SINHCAF: variants seen among roughly 807,000 people sequenced by gnomAD.
SINHCAF encodes SIN3-HDAC complex associated factor.
A neutral mutation model predicts 25.8 loss-of-function variants in SINHCAF; 3 were observed. That is an observed-to-expected ratio of 0.12 (90% CI 0.05 to 0.30). SINHCAF has a LOEUF of 0.30. Among genes scored for constraint, SINHCAF ranks in the 10% least tolerant of loss-of-function variants. The pLI is 1.00. For synonymous variants in SINHCAF, 70 were observed against 85.5 expected (o/e 0.82, Z 1.00); for missense variants, 121 against 262.3 (o/e 0.46, Z 3.72).
chr12:31,296,699 A>G (rs1938563555), intron 2 of SINHCAF, among the ~76,000 whole-genome samples: 1 of 152,088 alleles, frequency 6.6e-6, no homozygotes, highest in Admixed American at 6.5e-5. Context: ...ACAAAAAAAT[A>G]GAAAAATTAG....
At position 31,325,562 on chromosome 12, in the gene SINHCAF, C is replaced by G. The variant is rs1939936707; in HGVS notation, c.-21+462G>C. 1.1e-4 allele frequency: 21 copies of G among 197,098 alleles called. No homozygotes were observed. In the South Asian group the frequency reaches 1.3e-3, roughly 13 times the overall value. 12.2% of individuals were successfully genotyped at this position (197,098 alleles called of 1,614,324 possible). On this transcript the variant is annotated intron_variant, in intron 1 of 5. Coordinates refer to ENST00000337682, the MANE Select transcript of SINHCAF (RefSeq NM_001135812.2). The surrounding 1 kb of genome is among the most constrained non-coding windows in gnomAD (Gnocchi z 5.9). ...ACGAGGTTTCACAACGGCGCCCGAC[C>G]CTGCCCGCGCCTCGCGCCCACGCGG...
At chr12:31,305,872 G>C (rs902476604) in intron 1 of SINHCAF, among the ~76,000 whole-genome samples, 1 of 151,970 alleles carries the variant, frequency 6.6e-6, no homozygotes, top group African/African-American at 2.4e-5. Context: ...GCTAATTTTT[G>C]TATTGTTAGT....
intron 1 of SINHCAF, among the ~76,000 whole-genome samples, chr12:31,323,021 C>T (rs904354963): frequency 6.6e-6 from 1 of 152,138 alleles, no homozygotes; most frequent in Non-Finnish European, 1.5e-5. Flanking sequence ...TGGGAAGAAG[C>T]TAGCCGTTAC....
intron 1 of SINHCAF, among the ~76,000 whole-genome samples, chr12:31,315,241 T>C (rs1359278304): frequency 2.6e-5 from 4 of 152,176 alleles, no homozygotes; most frequent in African/African-American, 4.8e-5. Flanking sequence ...AGTAAATATG[T>C]GGTTGAGTGG....
intron 2 of SINHCAF, 126 bp downstream of exon 2, chr12:31,297,951 C>G: frequency 1.0e-6 from 1 of 982,734 alleles, no homozygotes; most frequent in South Asian, 1.6e-5. Context: ...GAGACTTACA[C>G]AGCCTAAATT....
intron 1 of SINHCAF, among the ~76,000 whole-genome samples, chr12:31,298,979 G>T (rs1161789019): frequency 6.6e-6 from 1 of 151,798 alleles, no homozygotes; most frequent in Non-Finnish European, 1.5e-5. Context: ...CCTGAGAGTA[G>T]TAACAGTGGG....
rs2137153879 is a variant in SINHCAF, at chr12:31,325,880, A to C, written c.-21+144T>G. The stretch of plus-strand genomic sequence containing the variant: ...AGATCACGAAAACAGCGCTCCCAAC[A>C]ATGCCACCTCCAAGACAAAACTTCC... On this transcript the variant is annotated intron_variant, in intron 1 of 5. Coordinates refer to ENST00000337682, the MANE Select transcript of SINHCAF (RefSeq NM_001135812.2). The surrounding 1 kb of genome is among the most constrained non-coding windows in gnomAD (Gnocchi z 5.9). 1 of 152,232 alleles carries C rather than the reference A, an allele frequency of 6.6e-6. No homozygotes were observed. Among genetic ancestry groups the C allele is most frequent in the South Asian group, 2.1e-4 (1 of 4,852 alleles). The allele number at this position is 152,232 out of a possible 1,614,324, so 9.4% of individuals were successfully genotyped here.
chr12:31,287,571 T>A (rs1938131330), intron 5 of SINHCAF, 63 bp downstream of exon 5: 6 of 1,306,914 alleles, frequency 4.6e-6, no homozygotes, highest in Non-Finnish European at 6.2e-6. Context: ...GCTAAGGAAG[T>A]AGAAAAATAC....
chr12:31,303,809 A>C (rs1938906476), intron 1 of SINHCAF: 1 of 152,174 alleles, frequency 6.6e-6, no homozygotes, highest in Admixed American at 6.5e-5. Context: ...CACTTTACCC[A>C]TGAAAAAGGG....
intron 2 of SINHCAF, among the ~76,000 whole-genome samples, chr12:31,295,628 G>A (rs566838921): frequency 4.6e-5 from 7 of 152,320 alleles, no homozygotes; most frequent in African/African-American, 1.4e-4. Context: ...CCAGCACTTT[G>A]AGAGTCTGAG....
chr12:31,307,771 G>A (rs573235304), intron 1 of SINHCAF, among the ~76,000 whole-genome samples: 2 of 152,144 alleles, frequency 1.3e-5, no homozygotes, highest in South Asian at 4.1e-4. Flanking sequence ...TATATAGAAG[G>A]GCTATAGCTG....
In SINHCAF at chr12:31,324,172, G is replaced by A. The variant is rs1201449192; in HGVS notation, c.-21+1852C>T. On this transcript the variant is annotated intron_variant, in intron 1 of 5. Transcript: ENST00000337682. The surrounding 1 kb of genome is among the most constrained non-coding windows in gnomAD (Gnocchi z 5.5). ...CCTGCGCCGGAACAACGGGCCCCGC[G>A]CCAGCCCGGCCCGGCGCCTCCCGCA... The A allele has an allele frequency of 7.7e-6, 2 of 258,336 alleles. No individual in the cohort carries two copies. The highest frequency in any genetic ancestry group is 1.1e-4 in the Admixed American group (2 of 18,202). The allele number at this position is 258,336 out of a possible 1,614,324, so 16.0% of individuals were successfully genotyped here.
At position 31,324,053 on chromosome 12, in the gene SINHCAF, C is replaced by G. The variant is rs1338552264; in HGVS notation, c.-21+1971G>C. 1.1e-5 allele frequency: 5 copies of G among 454,358 alleles called. No homozygotes were observed. Among genetic ancestry groups the G allele is most frequent in the African/African-American group, 1.0e-4 (5 of 50,034 alleles). 28.1% of individuals were successfully genotyped at this position (454,358 alleles called of 1,614,324 possible). ...GGATTTGTTGGTAAATAAGACATCT[C>G]GCGTCGGGAGGAAAGTTCCTGCGGG... On this transcript the variant is annotated intron_variant, in intron 1 of 5. Coordinates refer to ENST00000337682, the MANE Select transcript of SINHCAF (RefSeq NM_001135812.2). This position sits in a 1 kb window ranked among gnomAD's most constrained non-coding sequence, Gnocchi z 5.5.
chr12:31,288,839 A>G (rs1324224812), intron 4 of SINHCAF, among the ~76,000 whole-genome samples: 10 of 152,238 alleles, frequency 6.6e-5, no homozygotes, highest in Non-Finnish European at 1.5e-4. Context: ...CAAAGACATT[A>G]GAATTATCTG....
chr12:31,313,568 C>T (rs559742546), intron 1 of SINHCAF, among the ~76,000 whole-genome samples: 1 of 152,370 alleles, frequency 6.6e-6, no homozygotes, highest in African/African-American at 2.4e-5. Flanking sequence ...TTAATTTCCA[C>T]AAACATCCTG....
intron 1 of SINHCAF, among the ~76,000 whole-genome samples, chr12:31,313,771 C>T (rs936510465): frequency 1.4e-4 from 22 of 152,138 alleles, no homozygotes; most frequent in Non-Finnish European, 2.9e-4. Flanking sequence ...GCCTCAGCCT[C>T]CCAAGTAGCT....
rs550073216 is a variant in SINHCAF at position 31,283,181 on chromosome 12, G to A, written c.507-310C>T. Among the ~76,000 whole-genome samples the A allele has an allele frequency of 2.7e-3, 410 of 150,324 alleles. 2 individuals are homozygous for A. The highest frequency in any genetic ancestry group is 9.3e-3 in the African/African-American group (384 of 41,080). On this transcript the variant is annotated intron_variant, in intron 5 of 5. Coordinates refer to ENST00000337682, the MANE Select transcript of SINHCAF (RefSeq NM_001135812.2). ...ATTTCCTCCAAAATCACCAACTCTTGAAAAAAAAATCAGCCACCATAAACA... is the reference window on the plus strand; with the variant it reads ...ATTTCCTCCAAAATCACCAACTCTTAAAAAAAAAATCAGCCACCATAAACA...
chr12:31,291,589 C>G (rs1162393022), intron 4 of SINHCAF, among the ~76,000 whole-genome samples: 1 of 152,196 alleles, frequency 6.6e-6, no homozygotes, highest in African/African-American at 2.4e-5. Context: ...CATGGCGAAA[C>G]TCTGTCTCTA....
At chr12:31,315,329 T>A (rs993944812) in intron 1 of SINHCAF, among the ~76,000 whole-genome samples, 2 of 152,224 alleles carry the variant, frequency 1.3e-5, no homozygotes, top group Non-Finnish European at 2.9e-5. Context: ...CTGCCTTTGT[T>A]CTGTATCTGA....
Sources: gnomAD v4.1 joint callset for allele counts (sites outside exome capture counted in the v4.1 genomes callset) on GRCh38, gnomAD v4.1.1 for gene constraint, Gnocchi (gnomAD v3.1) non-coding constraint, MANE v1.5 for transcripts, NCBI Gene and HGNC (gene_info 2026-07-23, HGNC 2026-07-21) for gene names.